Variants in THSD7B observed in about 807,000 individuals in gnomAD.
THSD7B encodes thrombospondin type-1 domain-containing protein 7B.
A neutral mutation model predicts 213.6 loss-of-function variants in THSD7B; 138 were observed. The observed-to-expected ratio is 0.65, with a 90% confidence interval of 0.56 to 0.74. The LOEUF (loss-of-function observed/expected upper bound fraction) is 0.74, where lower values mean the gene tolerates loss of function less well. Ranked by LOEUF, THSD7B falls within the 30% of genes least tolerant of loss-of-function variation. The pLI, the probability that THSD7B is intolerant of heterozygous loss-of-function variation, is 0.00. For synonymous variants in THSD7B, 742 were observed against 687.0 expected (o/e 1.08, Z -1.25); for missense variants, 1,931 against 1,991.5 (o/e 0.97, Z 0.58).
chr2:136,785,846 G>T (rs977203771), intron 1 of THSD7B, among the ~76,000 whole-genome samples: 1 of 152,196 alleles, frequency 6.6e-6, no homozygotes, highest in Non-Finnish European at 1.5e-5. Context: ...AATGTAAAAT[G>T]AGATGATAAT....
intron 12 of THSD7B, among the ~76,000 whole-genome samples, chr2:137,306,372 A>T (rs887793261): frequency 6.6e-6 from 1 of 152,104 alleles, no homozygotes; most frequent in African/African-American, 2.4e-5. Context: ...AGCCAGGTTG[A>T]CACATTATAA....
chr2:136,876,966 G>A (rs1683534854), intron 1 of THSD7B, among the ~76,000 whole-genome samples: 1 of 152,112 alleles, frequency 6.6e-6, no homozygotes, highest in South Asian at 2.1e-4. Context: ...TCTGACTGTG[G>A]CACTGTCTCC....
At chr2:137,654,530 A>G (rs1004683561) in intron 21 of THSD7B, among the ~76,000 whole-genome samples, 3 of 151,990 alleles carry the variant, frequency 2.0e-5, no homozygotes, top group African/African-American at 7.3e-5. Context: ...ATCTACCTCA[A>G]TCTCACATTT....
intron 12 of THSD7B, among the ~76,000 whole-genome samples, chr2:137,366,946 A>T (rs1044435110): frequency 3.9e-5 from 6 of 152,182 alleles, no homozygotes; most frequent in African/African-American, 1.4e-4. Flanking sequence ...CTTTTAAGGA[A>T]TATAGTACAA....
Position 137,450,949 on chromosome 2 carries a change from A to C in THSD7B, c.3064A>C (p.Ile1022Leu). The change falls in exon 15 of 28, where the codon ATT becomes CTT. Residue 1022 changes from isoleucine to leucine, a missense_variant. Transcript: ENST00000409968. ...TTCATCTTGTGGAATTGGAGTGAGA[A>C]TTCGATCCAAATGGCTAAAAGAAAA... is the stretch of plus-strand genomic sequence containing the variant. ...CSSSCGIGVR[I>L]RSKWLKEKPY... 1 of 1,613,300 alleles carries C rather than the reference A, an allele frequency of 6.2e-7. No individual in the cohort carries two copies. Among genetic ancestry groups the C allele is most frequent in the Non-Finnish European group, 8.5e-7 (1 of 1,179,510 alleles).
chr2:137,027,977 C>CT (rs1310001224), intron 2 of THSD7B, among the ~76,000 whole-genome samples: 5 of 152,080 alleles, frequency 3.3e-5, no homozygotes, highest in Admixed American at 6.6e-5. Context: ...TCATAGTTCC[C>CT]TGCACATAAT....
chr2:137,027,562 C>T (rs902614288), intron 2 of THSD7B, among the ~76,000 whole-genome samples: 1 of 152,168 alleles, frequency 6.6e-6, no homozygotes, highest in Non-Finnish European at 1.5e-5. Flanking sequence ...TGAAGAAGTG[C>T]TTCCCAGTAA....
At chr2:136,952,418 T>C (rs979691794) in intron 2 of THSD7B, among the ~76,000 whole-genome samples, 1 of 149,354 alleles carries the variant, frequency 6.7e-6, no homozygotes, top group Admixed American at 6.8e-5. Flanking sequence ...CTGAGAGACA[T>C]AGTTTGGGCA....
At chr2:137,513,743 A>G (rs1680014754) in intron 15 of THSD7B, among the ~76,000 whole-genome samples, 1 of 152,192 alleles carries the variant, frequency 6.6e-6, no homozygotes, top group South Asian at 2.1e-4. Context: ...ATTATTCTGG[A>G]ACCTGATTCT....
chr2:137,257,710 CT>C (rs1258987263), intron 10 of THSD7B, among the ~76,000 whole-genome samples: 1 of 152,174 alleles, frequency 6.6e-6, no homozygotes, highest in African/African-American at 2.4e-5. Flanking sequence ...TCCTAACTGG[CT>C]TTGAGTTTTA....
At chr2:137,597,374 T>G (rs917545829) in intron 17 of THSD7B, among the ~76,000 whole-genome samples, 1 of 151,976 alleles carries the variant, frequency 6.6e-6, no homozygotes, top group Admixed American at 6.6e-5. Flanking sequence ...TCTTTGTGTT[T>G]AAATGCATTG....
At chr2:137,074,562 A>T (rs1687575921) in intron 3 of THSD7B, among the ~76,000 whole-genome samples, 1 of 152,154 alleles carries the variant, frequency 6.6e-6, no homozygotes. Flanking sequence ...GTGTCTTTTA[A>T]TTGGAGCGTT....
intron 3 of THSD7B, among the ~76,000 whole-genome samples, chr2:137,072,743 T>C (rs924858949): frequency 2.0e-5 from 3 of 152,214 alleles, no homozygotes; most frequent in African/African-American, 7.2e-5. Context: ...TGTGGGTTTC[T>C]CATAGATAGC....
intron 17 of THSD7B, among the ~76,000 whole-genome samples, chr2:137,586,081 A>G (rs1394319307): frequency 6.6e-6 from 1 of 152,058 alleles, no homozygotes; most frequent in East Asian, 1.9e-4. Flanking sequence ...TCCCTTTACC[A>G]TTATGTAATG....
chr2:137,350,309 G>T lies in THSD7B; in HGVS notation c.2501-55304G>T, dbSNP rs1684979199. 1.3e-5 allele frequency among the ~76,000 whole-genome samples: 2 copies of T among 151,902 alleles called. 1 individual carries two copies. The highest frequency in any genetic ancestry group is 4.1e-4 in the South Asian group (2 of 4,836). ...TATATTAATAATTGAGCCAAGACTG[G>T]ATGAAGGGAATTAGATTGGTCAGGA... On this transcript the variant is annotated intron_variant, in intron 12 of 27. Transcript: ENST00000409968.
intron 5 of THSD7B, among the ~76,000 whole-genome samples, chr2:137,120,374 C>G (rs1226751673): frequency 1.3e-5 from 2 of 151,220 alleles, no homozygotes; most frequent in East Asian, 3.9e-4. Context: ...TGGGTGAAGA[C>G]AAGCAGTTAC....
At chr2:137,633,886 G>GT (rs1400674278) in intron 20 of THSD7B, among the ~76,000 whole-genome samples, 1 of 151,982 alleles carries the variant, frequency 6.6e-6, no homozygotes, top group East Asian at 1.9e-4. Flanking sequence ...AATGACAAAA[G>GT]GTATCATACA....
chr2:137,351,431 A>G (rs1047086367), intron 12 of THSD7B, among the ~76,000 whole-genome samples: 1 of 151,964 alleles, frequency 6.6e-6, no homozygotes, highest in Non-Finnish European at 1.5e-5. Flanking sequence ...CTAAAGCATC[A>G]GTTTATTTGC....
intron 21 of THSD7B, among the ~76,000 whole-genome samples, chr2:137,653,512 T>C (rs1573767890): frequency 1.3e-5 from 2 of 151,696 alleles, no homozygotes; most frequent in Non-Finnish European, 2.9e-5. Context: ...TTTGAATATG[T>C]TTTCGACGCT....
Sources: gnomAD v4.1 joint callset for allele counts (sites outside exome capture counted in the v4.1 genomes callset) on GRCh38, gnomAD v4.1.1 for gene constraint, MANE v1.5 for transcripts, NCBI Gene and HGNC (gene_info 2026-07-23, HGNC 2026-07-21) for gene names.